ROBO2: variants seen among roughly 807,000 people sequenced by gnomAD.
ROBO2 encodes roundabout guidance receptor 2, also known as roundabout homolog 2.
A neutral mutation model predicts 160.8 loss-of-function variants in ROBO2; 53 were observed. The observed-to-expected ratio is 0.33, with a 90% CI of 0.26 to 0.41. The LOEUF is 0.41. Ranked by LOEUF, ROBO2 falls within the 10% of genes least tolerant of loss-of-function variation. ROBO2 has a pLI of 1.00. For missense variants in ROBO2, 1,577 were observed against 1,722.4 expected (o/e 0.92, Z 1.49); for synonymous variants, 664 against 611.7 (o/e 1.09, Z -1.26).
At chr3:76,940,478 C>T (rs550132221) in intron 2 of ROBO2, among the ~76,000 whole-genome samples, 2 of 152,268 alleles carry the variant, frequency 1.3e-5, no homozygotes, top group African/African-American at 2.4e-5. Context: ...CATTTATCTG[C>T]CTGTTTCATT....
intron 1 of ROBO2, among the ~76,000 whole-genome samples, chr3:75,918,025 C>T (rs1425776071): frequency 2.0e-5 from 3 of 152,114 alleles, no homozygotes; most frequent in Admixed American, 6.5e-5. Context: ...TGAGCAGAAG[C>T]TCTTTAGTTT....
intron 2 of ROBO2, among the ~76,000 whole-genome samples, chr3:77,403,059 G>A (rs1343385099): frequency 6.6e-6 from 1 of 152,108 alleles, no homozygotes; most frequent in East Asian, 1.9e-4. Context: ...GAATTAGTAA[G>A]CAATGATAGA....
At chr3:76,214,432 A>C (rs1012247598) in intron 2 of ROBO2, among the ~76,000 whole-genome samples, 1 of 152,304 alleles carries the variant, frequency 6.6e-6, no homozygotes, top group African/African-American at 2.4e-5. Flanking sequence ...GGGGTGACAG[A>C]TGGCACCCGG....
intron 2 of ROBO2, among the ~76,000 whole-genome samples, chr3:76,556,480 T>A (rs2083798392): frequency 3.3e-5 from 5 of 152,202 alleles, no homozygotes; most frequent in Admixed American, 2.6e-4. Context: ...GATTTGGTAT[T>A]CTAGATTCAG....
intron 2 of ROBO2, among the ~76,000 whole-genome samples, chr3:77,373,772 C>A (rs2153478974): frequency 6.6e-6 from 1 of 151,390 alleles, no homozygotes; most frequent in African/African-American, 2.4e-5. Flanking sequence ...GAAAAAGGGT[C>A]ATCTCCCCTA....
intron 2 of ROBO2, among the ~76,000 whole-genome samples, chr3:75,989,953 G>T (rs2065519428): frequency 6.6e-6 from 1 of 151,840 alleles, no homozygotes; most frequent in Admixed American, 6.6e-5. Context: ...TGGCATGTGT[G>T]TTTTTTTTCC....
chr3:77,536,202 C>T (rs924195022), intron 6 of ROBO2, among the ~76,000 whole-genome samples: 1 of 152,110 alleles, frequency 6.6e-6, no homozygotes, highest in Non-Finnish European at 1.5e-5. Flanking sequence ...TCAAGGAGCA[C>T]ACCCATCTAG....
chr3:77,193,290 T>A (rs982224115), intron 2 of ROBO2, among the ~76,000 whole-genome samples: 5 of 150,760 alleles, frequency 3.3e-5, no homozygotes, highest in Non-Finnish European at 7.4e-5. Context: ...AAAAAAAAAA[T>A]TTAGAGATAA....
chr3:76,931,774 C>T lies in ROBO2; in HGVS notation c.110-166240C>T, dbSNP rs189462148. On this transcript the variant is annotated intron_variant, in intron 2 of 26. Transcript: ENST00000487694. ...TCAGCTCACTGCAGCCTTTGCTTCC[C>T]GGATTCAAGCGATTCTCCTGCCTCA... Among the ~76,000 whole-genome samples, 243 of 152,144 alleles carry T rather than the reference C, an allele frequency of 1.6e-3. 1 individual carries two copies. The highest frequency in any genetic ancestry group is 5.3e-3 in the African/African-American group (218 of 41,500).
intron 2 of ROBO2, among the ~76,000 whole-genome samples, chr3:77,307,133 C>T (rs938221165): frequency 6.6e-6 from 1 of 152,120 alleles, no homozygotes; most frequent in Non-Finnish European, 1.5e-5. Flanking sequence ...GATATATAAA[C>T]TTCATTGGAT....
At chr3:76,075,620 C>G (rs1476534215) in intron 2 of ROBO2, among the ~76,000 whole-genome samples, 1 of 152,158 alleles carries the variant, frequency 6.6e-6, no homozygotes, top group Non-Finnish European at 1.5e-5. Context: ...CCAGGTATCA[C>G]TCCATTCAAA....
intron 2 of ROBO2, among the ~76,000 whole-genome samples, chr3:77,424,416 A>T (rs1014711068): frequency 6.6e-6 from 1 of 152,140 alleles, no homozygotes; most frequent in African/African-American, 2.4e-5. Context: ...TACCCAGGGG[A>T]TATATACTTG....
chr3:76,585,796 T>C (rs915374580), intron 2 of ROBO2, among the ~76,000 whole-genome samples: 1 of 152,220 alleles, frequency 6.6e-6, no homozygotes, highest in African/African-American at 2.4e-5. Flanking sequence ...CCAGGTGTGT[T>C]TGGCAGAATT....
At chr3:76,123,348 A>G (rs1292605033) in intron 2 of ROBO2, among the ~76,000 whole-genome samples, 1 of 152,112 alleles carries the variant, frequency 6.6e-6, no homozygotes, top group Non-Finnish European at 1.5e-5. Context: ...TGAAGGAACA[A>G]TATTTTCATG....
At chr3:76,125,606 A>G (rs1304029207) in intron 2 of ROBO2, among the ~76,000 whole-genome samples, 2 of 151,800 alleles carry the variant, frequency 1.3e-5, no homozygotes, top group Non-Finnish European at 2.9e-5. Context: ...AGTGATGCTG[A>G]GCATTTTTTT....
intron 6 of ROBO2, among the ~76,000 whole-genome samples, chr3:77,537,915 T>C (rs2092235645): frequency 6.6e-6 from 1 of 151,934 alleles, no homozygotes; most frequent in Non-Finnish European, 1.5e-5. Context: ...TCCCACCGGG[T>C]CCCTCCCAAG....
At chr3:77,104,889 T>C (rs1284677390) in intron 2 of ROBO2, among the ~76,000 whole-genome samples, 2 of 152,194 alleles carry the variant, frequency 1.3e-5, no homozygotes, top group African/African-American at 4.8e-5. Flanking sequence ...ACAAAGTTCC[T>C]AATAAATCCT....
At chr3:75,955,851 C>T (rs1948705987) in intron 2 of ROBO2, among the ~76,000 whole-genome samples, 1 of 151,692 alleles carries the variant, frequency 6.6e-6, no homozygotes, top group African/African-American at 2.4e-5. Context: ...CTGTGCTTCT[C>T]ACTCTCACTG....
chr3:76,001,155 C>T (rs2065875983), intron 2 of ROBO2, among the ~76,000 whole-genome samples: 1 of 152,160 alleles, frequency 6.6e-6, no homozygotes, highest in African/African-American at 2.4e-5. Flanking sequence ...AGTACATTAG[C>T]ACTAACGAAG....
Sources: allele counts gnomAD v4.1 joint callset (sites outside exome capture counted in the v4.1 genomes callset), GRCh38; gene constraint gnomAD v4.1.1; transcripts MANE v1.5; gene names NCBI Gene and HGNC (gene_info 2026-07-23, HGNC 2026-07-21).